Variants in COL13A1 observed in about 807,000 individuals in gnomAD.
COL13A1 encodes the protein collagen type XIII alpha 1 chain.
In COL13A1, 89 loss-of-function variants were observed where a neutral mutation model predicts 130.9. The ratio of observed to expected loss-of-function variants is 0.68; its 90% CI spans 0.57 to 0.81. The LOEUF is 0.81. COL13A1 is among the 30% of genes least tolerant of loss of function. The pLI is 0.00. For missense variants in COL13A1, 879 were observed against 934.6 expected, an observed-to-expected ratio of 0.94 and a Z score of 0.78; for synonymous variants, 402 against 341.6, an observed-to-expected ratio of 1.18 and a Z score of -1.95.
intron 2 of COL13A1, among the ~76,000 whole-genome samples, chr10:69,842,280 T>A (rs1851814813): frequency 6.6e-6 from 1 of 152,202 alleles, no homozygotes; most frequent in Non-Finnish European, 1.5e-5. Context: ...AAGACGTGCC[T>A]TTCACCTTCT....
In COL13A1 at chr10:69,898,733, C is replaced by A. The variant is rs1473074681; in HGVS notation, c.721C>A (p.Pro241Thr). The part of the protein sequence containing the change: ...PLLNSVRLAP[P>T]PVIKRRTFQG... ...CCTCAATTCAGTGCGACTGGCTCCA[C>A]CCCCGGTCATAAAAAGGCGGACGTT... The change falls in exon 14 of 41, where the codon CCC (proline) becomes ACC (threonine). Residue 241 changes from proline (P) to threonine (T), a missense_variant. By Grantham distance (38) the Pro-to-Thr change is conservative. Transcript: ENST00000645393. 3 of 1,613,046 alleles carry A rather than the reference C, an allele frequency of 1.9e-6. No homozygotes were observed. The highest frequency in any genetic ancestry group is 1.7e-5 in the Admixed American group (1 of 59,910).
At position 69,944,407 on chromosome 10, in the gene COL13A1, A is replaced by G. The variant is rs538609751; in HGVS notation, c.1968+229A>G. Among the ~76,000 whole-genome samples, 102 of 152,260 alleles carry G rather than the reference A, an allele frequency of 6.7e-4. 1 individual carries two copies. Among genetic ancestry groups the G allele is most frequent in the Non-Finnish European group, 2.1e-4 (14 of 68,010 alleles). On this transcript the variant is annotated intron_variant, in intron 36 of 40. Coordinates refer to ENST00000645393, the MANE Select transcript of COL13A1 (RefSeq NM_001368882.1). The stretch of plus-strand genomic sequence containing the variant: ...ACGTTGGCTCATACCTGTAATCCCA[A>G]CACTCTGGGAGGCCAGGTTGGGAGG...
At chr10:69,889,007 C>T (rs969000026) in intron 9 of COL13A1, among the ~76,000 whole-genome samples, 1 of 152,190 alleles carries the variant, frequency 6.6e-6, no homozygotes, top group Non-Finnish European at 1.5e-5. Context: ...GTTGAGGGAC[C>T]CTAGCACCAC....
intron 2 of COL13A1, among the ~76,000 whole-genome samples, chr10:69,866,949 G>T (rs1193750954): frequency 6.6e-6 from 1 of 152,198 alleles, no homozygotes; most frequent in East Asian, 1.9e-4. Context: ...ATCACCGGGA[G>T]GGTGGGGTTT....
chr10:69,924,144 G>A (rs2065045255), intron 24 of COL13A1, among the ~76,000 whole-genome samples: 2 of 152,214 alleles, frequency 1.3e-5, no homozygotes, highest in Admixed American at 6.5e-5. Flanking sequence ...CCCTGTGAAA[G>A]GCTGCTGTGT....
chr10:69,907,018 C>T (rs538511254), intron 17 of COL13A1, among the ~76,000 whole-genome samples: 2 of 152,262 alleles, frequency 1.3e-5, no homozygotes, highest in South Asian at 4.2e-4. Context: ...CGTGAGCCAC[C>T]GCGCCCAGTT....
intron 34 of COL13A1, among the ~76,000 whole-genome samples, chr10:69,938,646 G>A (rs984857556): frequency 1.3e-5 from 2 of 152,180 alleles, no homozygotes; most frequent in Admixed American, 1.3e-4. Flanking sequence ...GCCATAAAGA[G>A]CAGAGAAACA....
chr10:69,834,735 G>A (rs1255798593), intron 2 of COL13A1, among the ~76,000 whole-genome samples: 1 of 152,162 alleles, frequency 6.6e-6, no homozygotes, highest in Non-Finnish European at 1.5e-5. Flanking sequence ...GCAGAAGGGG[G>A]GTAGGTTGGA....
At chr10:69,888,235 TGCCCAGGCA>T in intron 8 of COL13A1, 60 bp from the exon 9 acceptor site, 1 of 1,582,516 alleles carries the variant, frequency 6.3e-7, no homozygotes, top group South Asian at 1.1e-5. Flanking sequence ...TTTTCCCCAC[TGCCCAGGCA>T]GCCTCTTTGG....
intron 2 of COL13A1, among the ~76,000 whole-genome samples, chr10:69,837,937 T>A (rs1371833170): frequency 6.6e-6 from 1 of 152,232 alleles, no homozygotes; most frequent in East Asian, 1.9e-4. Context: ...CCCCCTGTGA[T>A]GTGACGAGCC....
intron 2 of COL13A1, among the ~76,000 whole-genome samples, chr10:69,857,843 C>A (rs1204942575): frequency 6.6e-6 from 1 of 152,148 alleles, no homozygotes; most frequent in South Asian, 2.1e-4. Context: ...GTTGGCTGGG[C>A]GCGGTGGCTC....
At chr10:69,889,274 G>A in intron 9 of COL13A1, 140 bp from the exon 10 acceptor site, 1 of 1,081,578 alleles carries the variant, frequency 9.2e-7, no homozygotes, top group Non-Finnish European at 1.4e-6. Flanking sequence ...AAGCCAGAAG[G>A]TGCAGATGGA....
At chr10:69,890,264 G>A (rs2061041249) in intron 10 of COL13A1, among the ~76,000 whole-genome samples, 1 of 152,118 alleles carries the variant, frequency 6.6e-6, no homozygotes, top group Non-Finnish European at 1.5e-5. Context: ...ATCTCAGCAG[G>A]GACTGATGGG....
chr10:69,952,862 G>T lies in COL13A1; in HGVS notation c.2059-20G>T. The T allele has an allele frequency of 6.6e-7, 1 of 1,515,120 alleles. No homozygotes were observed. Among genetic ancestry groups the T allele is most frequent in the Admixed American group, 2.3e-5 (1 of 43,534 alleles). 93.9% of individuals were successfully genotyped at this position (1,515,120 alleles called of 1,614,324 possible). ...TTAAAGTTTTGATGTTTTTTTCTCG[G>T]ACTAAACCATTATTTACAGGGGGAG... On this transcript the variant is annotated intron_variant, in intron 38 of 40. Coordinates refer to ENST00000645393, the MANE Select transcript of COL13A1 (RefSeq NM_001368882.1).
intron 2 of COL13A1, among the ~76,000 whole-genome samples, chr10:69,842,254 C>T (rs1851803855): frequency 6.6e-6 from 1 of 152,176 alleles, no homozygotes; most frequent in Admixed American, 6.5e-5. Flanking sequence ...ATTTCTCTCT[C>T]GCCTGCCGCC....
chr10:69,945,799 A>C (rs771567695), intron 37 of COL13A1, 75 bp downstream of exon 37: 4 of 1,542,608 alleles, frequency 2.6e-6, no homozygotes, highest in Non-Finnish European at 3.5e-6. Flanking sequence ...CCGGCCGGGC[A>C]TGGTGGCTCA....
At chr10:69,928,717 G>A (rs1473545568) in intron 27 of COL13A1, among the ~76,000 whole-genome samples, 3 of 152,156 alleles carry the variant, frequency 2.0e-5, no homozygotes, top group South Asian at 2.1e-4. Flanking sequence ...ATGGCTCTCC[G>A]AACCCCACCT....
intron 26 of COL13A1, among the ~76,000 whole-genome samples, chr10:69,926,792 GAAGTA>G: frequency 1.3e-5 from 2 of 152,358 alleles, no homozygotes; most frequent in South Asian, 2.1e-4. Flanking sequence ...TCAGTAAAGT[GAAGTA>G]AAGGTTGCAG....
chr10:69,802,350 T>C lies in COL13A1; in HGVS notation c.-74T>C, dbSNP rs1840221620. Reference sequence around the variant, plus strand: ...CTTTCCCCCTGCCCCGCAGTTTGGATAGAGCCTTTTGGCAGCGGCTGTCGC... The same window carrying C: ...CTTTCCCCCTGCCCCGCAGTTTGGACAGAGCCTTTTGGCAGCGGCTGTCGC... On this transcript the variant is annotated 5_prime_UTR_variant, in exon 1 of 41. Coordinates refer to ENST00000645393, the MANE Select transcript of COL13A1 (RefSeq NM_001368882.1). 2.9e-6 allele frequency: 4 copies of C among 1,372,172 alleles called. No homozygotes were observed. Among genetic ancestry groups the C allele is most frequent in the Non-Finnish European group, 3.8e-6 (4 of 1,063,598 alleles). 85.0% of individuals were successfully genotyped at this position (1,372,172 alleles called of 1,614,324 possible).
Sources: gnomAD v4.1 joint callset for allele counts (sites outside exome capture counted in the v4.1 genomes callset) on GRCh38, gnomAD v4.1.1 for gene constraint, MANE v1.5 for transcripts, NCBI Gene and HGNC (gene_info 2026-07-23, HGNC 2026-07-21) for gene names.